Variants in EPB41L4A observed in about 807,000 individuals in gnomAD.
EPB41L4A encodes band 4.1-like protein 4A.
A neutral mutation model predicts 108.6 loss-of-function variants in EPB41L4A; 100 were observed. That is an observed-to-expected ratio of 0.92 (90% CI 0.78 to 1.09). EPB41L4A has a LOEUF of 1.09. Ranked by LOEUF, EPB41L4A falls within the 50% of genes least tolerant of loss-of-function variation. The pLI, the probability that EPB41L4A is intolerant of heterozygous loss-of-function variation, is 0.00. For synonymous variants in EPB41L4A, 319 were observed against 289.0 expected (o/e 1.10, Z -1.05); for missense variants, 1,030 against 842.7 (o/e 1.22, Z -2.75).
chr5:112,395,423 C>T (rs1241851507), intron 1 of EPB41L4A, among the ~76,000 whole-genome samples: 1 of 152,098 alleles, frequency 6.6e-6, no homozygotes, highest in Admixed American at 6.6e-5. Flanking sequence ...ACCCCATCAA[C>T]AAGTGGGCGA....
At chr5:112,353,020 G>A (rs1758141971) in intron 1 of EPB41L4A, among the ~76,000 whole-genome samples, 1 of 152,170 alleles carries the variant, frequency 6.6e-6, no homozygotes, top group African/African-American at 2.4e-5. Flanking sequence ...GTTAGGTAAG[G>A]TATTATACTT....
intron 9 of EPB41L4A, among the ~76,000 whole-genome samples, chr5:112,246,646 T>C (rs970465950): frequency 1.3e-5 from 2 of 152,172 alleles, no homozygotes; most frequent in Non-Finnish European, 1.5e-5. Context: ...TGCAAACTGA[T>C]AGCTTTATCT....
intron 1 of EPB41L4A, among the ~76,000 whole-genome samples, chr5:112,308,394 C>G (rs1234511890): frequency 6.6e-6 from 1 of 152,136 alleles, no homozygotes; most frequent in Non-Finnish European, 1.5e-5. Flanking sequence ...TAATACTGCA[C>G]TGCTTTTAGA....
intron 1 of EPB41L4A, among the ~76,000 whole-genome samples, chr5:112,350,144 TTTTG>T (rs142777143): frequency 0.74 from 112,352 of 151,762 alleles, 42,871 homozygotes; most frequent in South Asian, 0.88. Context: ...TCTTTATATA[TTTTG>T]TTTAATTTTA....
intron 1 of EPB41L4A, among the ~76,000 whole-genome samples, chr5:112,413,885 T>C (rs1762553778): frequency 6.6e-6 from 1 of 152,082 alleles, no homozygotes; most frequent in Admixed American, 6.5e-5. Flanking sequence ...AGTCAAACAA[T>C]GAAGCTTGGA....
rs115759383 is a variant in EPB41L4A at position 112,155,451 on chromosome 5, T to G, written n.994+2950A>C. On this transcript the variant is annotated intron_variant and non_coding_transcript_variant, in intron 12 of 13. Coordinates refer to the EPB41L4A transcript ENST00000507810. Reference sequence around the variant, plus strand: ...TATGACAGCATCATGTGTCAGCATATCCAAAAGCATCCTGAATATCAGTGA... The same window carrying G: ...TATGACAGCATCATGTGTCAGCATAGCCAAAAGCATCCTGAATATCAGTGA... Among the ~76,000 whole-genome samples the G allele has an allele frequency of 8.8e-3, 1,335 of 151,946 alleles. 19 individuals are homozygous for G. The highest frequency in any genetic ancestry group is 0.03 in the African/African-American group (1,256 of 41,448).
chr5:112,312,181 G>A (rs1249374357), intron 1 of EPB41L4A, among the ~76,000 whole-genome samples: 1 of 152,052 alleles, frequency 6.6e-6, no homozygotes, highest in Non-Finnish European at 1.5e-5. Flanking sequence ...ACAAAAGCAA[G>A]CTCAGAAAAC....
At chr5:112,290,949 A>G (rs1440152835) in intron 2 of EPB41L4A, among the ~76,000 whole-genome samples, 3 of 152,120 alleles carry the variant, frequency 2.0e-5, no homozygotes, top group Non-Finnish European at 2.9e-5. Context: ...GCCCCTTCTC[A>G]TCTGCAATTA....
intron 9 of EPB41L4A, among the ~76,000 whole-genome samples, chr5:112,245,550 A>C (rs1277746182): frequency 6.6e-6 from 1 of 152,156 alleles, no homozygotes; most frequent in African/African-American, 2.4e-5. Flanking sequence ...CTTGTCTGGT[A>C]AAAAAAGAAA....
intron 12 of EPB41L4A, among the ~76,000 whole-genome samples, chr5:112,231,636 G>T (rs940021760): frequency 1.9e-3 from 289 of 150,156 alleles, no homozygotes; most frequent in Middle Eastern, 3.4e-3. Flanking sequence ...ATACAAAAAA[G>T]TAGCCGGGCG....
chr5:112,400,713 T>C (rs1761690604), intron 1 of EPB41L4A, among the ~76,000 whole-genome samples: 1 of 152,162 alleles, frequency 6.6e-6, no homozygotes, highest in African/African-American at 2.4e-5. Context: ...AACATGAGAT[T>C]TGTGTAAGGA....
chr5:112,151,254 G>A (rs1375154261), intron 12 of EPB41L4A, among the ~76,000 whole-genome samples: 1 of 151,062 alleles, frequency 6.6e-6, no homozygotes, highest in Admixed American at 6.6e-5. Context: ...TCAAATTTGT[G>A]AGTTTAAAAA....
At chr5:112,166,253 A>G (rs1254609614) in intron 22 of EPB41L4A, among the ~76,000 whole-genome samples, 5 of 152,242 alleles carry the variant, frequency 3.3e-5, no homozygotes, top group African/African-American at 1.2e-4. Context: ...TAGAACTTAA[A>G]GTTGTACCTT....
intron 1 of EPB41L4A, among the ~76,000 whole-genome samples, chr5:112,365,518 C>T (rs1309843152): frequency 6.6e-6 from 1 of 152,104 alleles, no homozygotes; most frequent in Non-Finnish European, 1.5e-5. Context: ...TTTTAGACTT[C>T]GAGAAAAGTT....
At chr5:112,181,461 A>AT (rs1276305476) in intron 18 of EPB41L4A, among the ~76,000 whole-genome samples, 2 of 152,174 alleles carry the variant, frequency 1.3e-5, no homozygotes, top group East Asian at 3.9e-4. Flanking sequence ...AAAAAAAAAA[A>AT]ATAAATAAAC....
chr5:112,149,981 C>A (rs929841570), intron 12 of EPB41L4A, among the ~76,000 whole-genome samples: 7 of 152,094 alleles, frequency 4.6e-5, no homozygotes, highest in Admixed American at 1.3e-4. Context: ...AAGGTAACAT[C>A]CTCAGTAAGT....
intron 9 of EPB41L4A, among the ~76,000 whole-genome samples, chr5:112,245,425 A>G (rs1750134734): frequency 6.6e-6 from 1 of 152,212 alleles, no homozygotes; most frequent in African/African-American, 2.4e-5. Flanking sequence ...ATTTCTCCCA[A>G]GTCCAACTTG....
chr5:112,327,636 A>G (rs185776907), intron 1 of EPB41L4A, among the ~76,000 whole-genome samples: 25 of 152,252 alleles, frequency 1.6e-4, no homozygotes, highest in African/African-American at 5.8e-4. Flanking sequence ...AGATAATTTG[A>G]AAGCCCAAGA....
At chr5:112,343,193 C>A (rs1473098534) in intron 1 of EPB41L4A, among the ~76,000 whole-genome samples, 2 of 152,102 alleles carry the variant, frequency 1.3e-5, no homozygotes, top group African/African-American at 4.8e-5. Flanking sequence ...CAACAGCCCC[C>A]GAAAAACACT....
Sources: allele counts gnomAD v4.1 joint callset (sites outside exome capture counted in the v4.1 genomes callset), GRCh38; gene constraint gnomAD v4.1.1; transcripts MANE v1.5; gene names NCBI Gene and HGNC (gene_info 2026-07-23, HGNC 2026-07-21).